The following NUMB variants were observed in gnomAD, a reference collection of about 807,000 sequenced individuals.
NUMB encodes NUMB endocytic adaptor protein.
In NUMB, 29 loss-of-function variants were observed where a neutral mutation model predicts 59.7. The observed-to-expected ratio is 0.49, with a 90% CI of 0.36 to 0.66. The LOEUF is 0.66. Among genes scored for constraint, NUMB ranks in the 30% least tolerant of loss-of-function variants. NUMB has a pLI of 0.00. For synonymous variants in NUMB, 288 were observed against 288.2 expected (o/e 1.00, Z 0.01); for missense variants, 723 against 822.0 (o/e 0.88, Z 1.47).
chr14:73,446,604 CAAA>C (rs1281721972), intron 1 of NUMB, among the ~76,000 whole-genome samples: 5 of 97,564 alleles, frequency 5.1e-5, no homozygotes, highest in African/African-American at 3.4e-5. Flanking sequence ...GACTTTGTCT[CAAA>C]AAAAAAAAAA....
chr14:73,396,532 T>TTTTG (rs1555378256), intron 2 of NUMB, among the ~76,000 whole-genome samples: 5 of 151,212 alleles, frequency 3.3e-5, no homozygotes, highest in African/African-American at 7.3e-5. Flanking sequence ...GTGTATTTTT[T>TTTTG]TTGTTGTTTT....
chr14:73,295,851 A>C (rs1160577376), intron 7 of NUMB, among the ~76,000 whole-genome samples: 1 of 152,152 alleles, frequency 6.6e-6, no homozygotes, highest in Non-Finnish European at 1.5e-5. Flanking sequence ...GGCATTTAGG[A>C]TCACTGTCTC....
intron 3 of NUMB, among the ~76,000 whole-genome samples, chr14:73,366,401 A>C (rs1353617669): frequency 6.6e-6 from 1 of 152,244 alleles, no homozygotes. Context: ...ATACAGAATT[A>C]GATATTATGA....
rs141718826 is a variant in NUMB at position 73,428,002 on chromosome 14, G to C, written c.-232-17934C>G. Among the ~76,000 whole-genome samples the C allele has an allele frequency of 4.0e-3, 609 of 152,216 alleles. 5 individuals carry two copies. The highest frequency in any genetic ancestry group is 0.01 in the Middle Eastern group (3 of 294). ...GTGTCTTTATAACTAACTTTGTTGA[G>C]TGGGCCTAAGCAAACTTTAAGTGTT... On this transcript the variant is annotated intron_variant, in intron 1 of 12. Coordinates refer to ENST00000555238, the MANE Select transcript of NUMB (RefSeq NM_001005743.2).
At chr14:73,385,750 C>G (rs1895483568) in intron 2 of NUMB, among the ~76,000 whole-genome samples, 1 of 152,054 alleles carries the variant, frequency 6.6e-6, no homozygotes, top group Admixed American at 6.6e-5. Context: ...GATCCACCAG[C>G]CTCGGCCTCC....
intron 1 of NUMB, among the ~76,000 whole-genome samples, chr14:73,451,383 G>A (rs1883959873): frequency 6.7e-6 from 1 of 150,252 alleles, no homozygotes; most frequent in South Asian, 2.1e-4. Flanking sequence ...GTTGCAGTGA[G>A]CCAAGATTGA....
intron 6 of NUMB, among the ~76,000 whole-genome samples, chr14:73,308,373 G>A (rs1310809113): frequency 6.6e-6 from 1 of 152,084 alleles, no homozygotes; most frequent in Non-Finnish European, 1.5e-5. Context: ...CTCTCCTTGG[G>A]GGAATTTGAT....
chr14:73,412,679 GA>G, intron 1 of NUMB, among the ~76,000 whole-genome samples: 1 of 151,208 alleles, frequency 6.6e-6, no homozygotes, highest in Non-Finnish European at 1.5e-5. Context: ...CTGTTGCCTG[GA>G]GAGCCGTGAT....
intron 1 of NUMB, among the ~76,000 whole-genome samples, chr14:73,455,743 G>C (rs1291923640): frequency 6.6e-6 from 1 of 151,920 alleles, no homozygotes; most frequent in East Asian, 1.9e-4. Flanking sequence ...TTTCTCTTTT[G>C]CAGTGTTTCT....
chr14:73,430,712 C>T (rs1897789953), intron 1 of NUMB, among the ~76,000 whole-genome samples: 1 of 151,858 alleles, frequency 6.6e-6, no homozygotes, highest in African/African-American at 2.4e-5. Flanking sequence ...GAGTCCGAGG[C>T]GGGCAGATCA....
chr14:73,296,558 T>C (rs1448700542), intron 7 of NUMB, among the ~76,000 whole-genome samples: 2 of 152,106 alleles, frequency 1.3e-5, no homozygotes, highest in South Asian at 2.1e-4. Context: ...ATAAAGTAAA[T>C]GAGTAACTAA....
At chr14:73,435,356 C>G (rs904766036) in intron 1 of NUMB, among the ~76,000 whole-genome samples, 3 of 149,066 alleles carry the variant, frequency 2.0e-5, no homozygotes, top group African/African-American at 7.4e-5. Context: ...TCACTACAAG[C>G]TCCACCTCCC....
At chr14:73,425,711 T>C (rs1413673125) in intron 1 of NUMB, among the ~76,000 whole-genome samples, 1 of 152,164 alleles carries the variant, frequency 6.6e-6, no homozygotes, top group Non-Finnish European at 1.5e-5. Flanking sequence ...GGCACTGTTC[T>C]AAGAATTTAC....
At chr14:73,412,355 C>T (rs1157275142) in intron 1 of NUMB, among the ~76,000 whole-genome samples, 4 of 152,000 alleles carry the variant, frequency 2.6e-5, no homozygotes, top group Non-Finnish European at 4.4e-5. Context: ...TGGCTGGGCA[C>T]GGTGGCTCAC....
chr14:73,323,500 G>A (rs1228671398), intron 4 of NUMB, among the ~76,000 whole-genome samples: 1 of 152,228 alleles, frequency 6.6e-6, no homozygotes, highest in Non-Finnish European at 1.5e-5. Flanking sequence ...AGGTGTTACA[G>A]GTGAGTAAGT....
intron 2 of NUMB, among the ~76,000 whole-genome samples, chr14:73,381,089 A>G (rs1366965448): frequency 1.3e-5 from 2 of 152,190 alleles, no homozygotes; most frequent in African/African-American, 4.8e-5. Context: ...AAGAAAATTC[A>G]GGTTCAGAGA....
Position 73,386,864 on chromosome 14 carries a change from CTTATT to C in NUMB, c.-100-19888_-100-19884del, listed in dbSNP as rs1413855158. ...TAATACAAGACAATCTATCAGGTGT[CTTATT>C]TTTTTTTTTTTTTTTTTTTTTTTTT... is the stretch of plus-strand genomic sequence containing the variant. On this transcript the variant is annotated intron_variant, in intron 2 of 12. Transcript: ENST00000555238. 5.7e-4 allele frequency among the ~76,000 whole-genome samples: 42 copies of C among 73,818 alleles called. 2 individuals carry two copies. Among genetic ancestry groups the C allele is most frequent in the African/African-American group, 2.1e-3 (39 of 18,192 alleles). 48.4% of individuals were successfully genotyped at this position (73,818 alleles called of 152,430 possible). A position where few individuals can be genotyped will look rare whatever the true frequency, so the allele number is the denominator to read the frequency against.
intron 2 of NUMB, among the ~76,000 whole-genome samples, chr14:73,383,690 T>C (rs957157084): frequency 3.3e-5 from 5 of 152,066 alleles, no homozygotes; most frequent in African/African-American, 1.2e-4. Flanking sequence ...TACTGAAAAC[T>C]GCTAAAAACC....
chr14:73,376,748 G>A (rs1894967432), intron 2 of NUMB, among the ~76,000 whole-genome samples: 1 of 152,160 alleles, frequency 6.6e-6, no homozygotes, highest in Non-Finnish European at 1.5e-5. Flanking sequence ...TATGGTGAGT[G>A]TGCCTGGCAT....
Sources: gnomAD v4.1 joint callset for allele counts (sites outside exome capture counted in the v4.1 genomes callset) on GRCh38, gnomAD v4.1.1 for gene constraint, MANE v1.5 for transcripts, NCBI Gene and HGNC (gene_info 2026-07-23, HGNC 2026-07-21) for gene names.